Variants in KCNJ16 observed in about 807,000 individuals in gnomAD.
KCNJ16 encodes the protein potassium inwardly rectifying channel subfamily J member 16, also known as inward rectifier potassium channel 16.
A neutral mutation model predicts 18.5 loss-of-function variants in KCNJ16; 15 were observed. That is an observed-to-expected ratio of 0.81 (90% CI 0.54 to 1.25). The LOEUF is 1.25. KCNJ16 is among the 50% of genes most tolerant of loss of function. The pLI is 0.00. For missense variants in KCNJ16, 523 were observed against 525.7 expected (o/e 0.99, Z 0.05); for synonymous variants, 174 against 186.5 (o/e 0.93, Z 0.55).
chr17:70,109,072 G>A (rs2073072174), intron 2 of KCNJ16, among the ~76,000 whole-genome samples: 1 of 152,096 alleles, frequency 6.6e-6, no homozygotes, highest in African/African-American at 2.4e-5. Flanking sequence ...CCTAGTGACT[G>A]AGTGTTGTCT....
chr17:70,117,273 T>C (rs1030935129), intron 2 of KCNJ16, among the ~76,000 whole-genome samples: 2 of 152,030 alleles, frequency 1.3e-5, no homozygotes, highest in Non-Finnish European at 2.9e-5. Flanking sequence ...AACATAAACA[T>C]GGCAACAACA....
intron 2 of KCNJ16, among the ~76,000 whole-genome samples, chr17:70,107,379 C>T (rs2072980002): frequency 6.6e-6 from 1 of 152,162 alleles, no homozygotes; most frequent in South Asian, 2.1e-4. Context: ...ATGCAACACA[C>T]CCAACATCAC....
chr17:70,114,972 C>T (rs927986566), intron 2 of KCNJ16, among the ~76,000 whole-genome samples: 12 of 152,116 alleles, frequency 7.9e-5, no homozygotes, highest in African/African-American at 2.9e-4. Context: ...TCTTTTTATC[C>T]TCATAGCAAT....
At chr17:70,104,758 G>C (rs1057503358) in intron 2 of KCNJ16, 1 of 152,592 alleles carries the variant, frequency 6.6e-6, no homozygotes, top group Non-Finnish European at 1.5e-5. Flanking sequence ...GCTATTCTTG[G>C]TTCTTGTTTT....
In KCNJ16 at chr17:70,133,944, A is replaced by G. The variant is rs145531616; in HGVS notation, c.*600A>G. ...TGTCCATGCCACCAATTCCACTGCT[A>G]CTTGCCCAGGTAGTGATCAGTGAGA... is the stretch of plus-strand genomic sequence containing the variant. On this transcript the variant is annotated 3_prime_UTR_variant, in exon 4 of 4. Transcript: ENST00000392671. 4.1e-3 allele frequency: 682 copies of G among 167,478 alleles called. 2 individuals carry two copies. Among genetic ancestry groups the G allele is most frequent in the Non-Finnish European group, 5.2e-3 (357 of 68,334 alleles). The allele number at this position is 167,478 out of a possible 1,614,324, so 10.4% of individuals were successfully genotyped here.
chr17:70,076,752 G>C (rs112690970), intron 1 of KCNJ16, among the ~76,000 whole-genome samples: 1 of 152,080 alleles, frequency 6.6e-6, no homozygotes, highest in African/African-American at 2.4e-5. Context: ...CTAAGACCTG[G>C]ATATAAATTA....
intron 2 of KCNJ16, among the ~76,000 whole-genome samples, chr17:70,123,310 T>G (rs965731683): frequency 6.6e-6 from 1 of 152,196 alleles, no homozygotes; most frequent in Admixed American, 6.5e-5. Flanking sequence ...TATAAGAAGA[T>G]AGAATCTGAT....
chr17:70,091,965 T>C (rs1025579614), intron 1 of KCNJ16, among the ~76,000 whole-genome samples: 1 of 152,178 alleles, frequency 6.6e-6, no homozygotes, highest in Non-Finnish European at 1.5e-5. Context: ...GTTATTTGCA[T>C]TGTGTAAGCT....
At chr17:70,104,632 A>G (rs1000590089) in intron 2 of KCNJ16, among the ~76,000 whole-genome samples, 2 of 152,238 alleles carry the variant, frequency 1.3e-5, no homozygotes, top group East Asian at 1.9e-4. Context: ...TTCCAGGACA[A>G]TAAGAAATTT....
At chr17:70,094,150 C>T (rs908013322) in intron 1 of KCNJ16, among the ~76,000 whole-genome samples, 2 of 152,294 alleles carry the variant, frequency 1.3e-5, no homozygotes, top group East Asian at 3.9e-4. Context: ...TGTTCTGAAG[C>T]TTCCTTTATA....
At chr17:70,124,483 A>G (rs1202021209) in intron 2 of KCNJ16, among the ~76,000 whole-genome samples, 1 of 152,230 alleles carries the variant, frequency 6.6e-6, no homozygotes, top group Non-Finnish European at 1.5e-5. Context: ...AACTACTCCC[A>G]AGGGGAATGT....
chr17:70,132,997 A>C lies in KCNJ16; in HGVS notation c.910A>C (p.Ile304Leu), dbSNP rs2074116350. The change falls in exon 4 of 4, where the codon ATT becomes CTT. Residue 304 changes from isoleucine to leucine, a missense_variant. Transcript: ENST00000392671. ...TAGAAGCTCCTATGTTCCCCGAGAA[A>C]TTCTCTGGGGCCATAGGTTTAATGA... is the stretch of plus-strand genomic sequence containing the variant. ...QSRSSYVPRE[I>L]LWGHRFNDVL... is the part of the protein sequence containing the mutation. 3 of 1,614,000 alleles carry C rather than the reference A, an allele frequency of 1.9e-6. No homozygotes were observed. Among genetic ancestry groups the C allele is most frequent in the Admixed American group, 1.7e-5 (1 of 60,008 alleles).
intron 1 of KCNJ16, among the ~76,000 whole-genome samples, chr17:70,099,355 G>A (rs1170793271): frequency 6.6e-6 from 1 of 152,148 alleles, no homozygotes; most frequent in African/African-American, 2.4e-5. Context: ...ACAGGCTCCT[G>A]GAAGTAGTAC....
At chr17:70,100,372 C>T (rs1340618461) in intron 1 of KCNJ16, among the ~76,000 whole-genome samples, 1 of 152,100 alleles carries the variant, frequency 6.6e-6, no homozygotes, top group Non-Finnish European at 1.5e-5. Flanking sequence ...AAGATCAACG[C>T]CTTTCATTTG....
At chr17:70,098,086 C>T (rs571952597) in intron 1 of KCNJ16, among the ~76,000 whole-genome samples, 1 of 152,286 alleles carries the variant, frequency 6.6e-6, no homozygotes, top group South Asian at 2.1e-4. Context: ...CACTCCAGCT[C>T]TACCTCATAC....
chr17:70,112,528 A>G (rs575585068), intron 2 of KCNJ16, among the ~76,000 whole-genome samples: 8 of 152,098 alleles, frequency 5.3e-5, no homozygotes, highest in African/African-American at 1.9e-4. Flanking sequence ...GTGTTGGTTT[A>G]TAGTATAATC....
rs140490799 is a variant in KCNJ16, at chr17:70,097,970, T to C, written c.-299-2688T>C. 2.9e-3 allele frequency among the ~76,000 whole-genome samples: 437 copies of C among 152,298 alleles called. 1 individual carries two copies. Among genetic ancestry groups the C allele is most frequent in the Middle Eastern group, 0.01 (3 of 294 alleles). On this transcript the variant is annotated intron_variant, in intron 1 of 3. Transcript: ENST00000392671. ...AATCTTAAATACAGATCTTCAGTGT[T>C]TTATCTTTATGCTAATCAGATTGTG...
At chr17:70,121,220 G>A (rs911653535) in intron 2 of KCNJ16, among the ~76,000 whole-genome samples, 3 of 152,192 alleles carry the variant, frequency 2.0e-5, no homozygotes, top group Non-Finnish European at 2.9e-5. Context: ...CCCAGAGAAA[G>A]ACTCTGCCTG....
chr17:70,103,324 A>ACACACACACACACATAT (rs142139198), intron 2 of KCNJ16, among the ~76,000 whole-genome samples: 7,182 of 113,142 alleles, frequency 0.063, 362 homozygotes, highest in South Asian at 0.079. Flanking sequence ...ATATATATAC[A>ACACACACACACACATAT]CACACATATA....
Sources: gnomAD v4.1 joint callset for allele counts (sites outside exome capture counted in the v4.1 genomes callset) on GRCh38, gnomAD v4.1.1 for gene constraint, MANE v1.5 for transcripts, NCBI Gene and HGNC (gene_info 2026-07-23, HGNC 2026-07-21) for gene names.